GNAQ: variants seen among roughly 807,000 people sequenced by gnomAD.
GNAQ encodes the protein guanine nucleotide-binding protein G(q) subunit alpha.
GNAQ carries 8 observed loss-of-function variants against 43.9 expected under a neutral mutation model. The ratio of observed to expected loss-of-function variants is 0.18; its 90% CI spans 0.11 to 0.33. GNAQ has a LOEUF of 0.33. Ranked by LOEUF, GNAQ falls within the 10% of genes least tolerant of loss-of-function variation. GNAQ has a pLI of 1.00. For synonymous variants in GNAQ, 155 were observed against 170.7 expected, an observed-to-expected ratio of 0.91 and a Z score of 0.71; for missense variants, 158 against 450.8, an observed-to-expected ratio of 0.35 and a Z score of 5.88.
At chr9:78,018,022 G>A (rs1219504597) in intron 1 of GNAQ, among the ~76,000 whole-genome samples, 4 of 152,062 alleles carry the variant, frequency 2.6e-5, no homozygotes, top group African/African-American at 4.8e-5. Context: ...AACCAAGGTT[G>A]TAAAATTTTT....
intron 1 of GNAQ, among the ~76,000 whole-genome samples, chr9:77,943,819 A>C (rs1199106531): frequency 6.6e-6 from 1 of 151,804 alleles, no homozygotes; most frequent in African/African-American, 2.4e-5. Flanking sequence ...GGTACACAAC[A>C]CCACGCCTGG....
chr9:77,997,157 T>C (rs896449018), intron 1 of GNAQ, among the ~76,000 whole-genome samples: 5 of 152,236 alleles, frequency 3.3e-5, no homozygotes, highest in African/African-American at 1.2e-4. Flanking sequence ...TGCCCATAGC[T>C]TTAGCCATCA....
At chr9:77,942,642 A>G (rs1829331707) in intron 1 of GNAQ, among the ~76,000 whole-genome samples, 1 of 152,182 alleles carries the variant, frequency 6.6e-6, no homozygotes, top group African/African-American at 2.4e-5. Flanking sequence ...ACACCCCACC[A>G]CATATATTCC....
chr9:77,853,800 A>C (rs1352504727), intron 2 of GNAQ, among the ~76,000 whole-genome samples: 3 of 146,204 alleles, frequency 2.1e-5, no homozygotes, highest in East Asian at 2.0e-4. Flanking sequence ...AAAAAAAAAA[A>C]CCCACAGGCA....
intron 3 of GNAQ, among the ~76,000 whole-genome samples, chr9:77,805,988 G>A (rs1482950820): frequency 6.6e-6 from 1 of 152,182 alleles, no homozygotes; most frequent in Non-Finnish European, 1.5e-5. Context: ...CATAAAGAGA[G>A]CACTAGTGCC....
At chr9:77,939,443 A>G (rs957177644) in intron 1 of GNAQ, among the ~76,000 whole-genome samples, 1 of 152,204 alleles carries the variant, frequency 6.6e-6, no homozygotes, top group Non-Finnish European at 1.5e-5. Context: ...TATTTTTACT[A>G]AAACTGAAGA....
intron 2 of GNAQ, among the ~76,000 whole-genome samples, chr9:77,870,555 T>C (rs1295936770): frequency 2.0e-5 from 3 of 151,964 alleles, no homozygotes; most frequent in Non-Finnish European, 2.9e-5. Flanking sequence ...CTCGATCTCC[T>C]GGTCTCGTGA....
chr9:78,003,092 GA>G (rs1279678438), intron 1 of GNAQ, among the ~76,000 whole-genome samples: 1 of 152,168 alleles, frequency 6.6e-6, no homozygotes, highest in Non-Finnish European at 1.5e-5. Context: ...TAATGTAGAG[GA>G]AATTTAGCAA....
At chr9:78,031,071 G>A in intron 1 of GNAQ, 29 bp downstream of exon 1, 3 of 1,422,470 alleles carry the variant, frequency 2.1e-6, no homozygotes, top group Non-Finnish European at 1.9e-6. Flanking sequence ...GGGGCGCAGA[G>A]GCCCGGCGGG....
At chr9:77,835,175 C>A (rs1003504484) in intron 2 of GNAQ, among the ~76,000 whole-genome samples, 2 of 151,930 alleles carry the variant, frequency 1.3e-5, no homozygotes, top group African/African-American at 4.8e-5. Flanking sequence ...GAACAGCATG[C>A]AATTTAAAAC....
At chr9:77,913,149 C>T (rs1828836782) in intron 2 of GNAQ, among the ~76,000 whole-genome samples, 1 of 152,060 alleles carries the variant, frequency 6.6e-6, no homozygotes, top group Non-Finnish European at 1.5e-5. Flanking sequence ...TGATTATATG[C>T]ATACTTTCTG....
intron 1 of GNAQ, among the ~76,000 whole-genome samples, chr9:77,965,807 C>A: frequency 6.6e-6 from 1 of 150,790 alleles, no homozygotes; most frequent in South Asian, 2.1e-4. Flanking sequence ...TAATGTGTTC[C>A]AGCCATTCCA....
chr9:77,824,878 A>G (rs1238504892), intron 2 of GNAQ, among the ~76,000 whole-genome samples: 3 of 152,218 alleles, frequency 2.0e-5, no homozygotes, highest in Admixed American at 6.5e-5. Flanking sequence ...TGCATAAGAA[A>G]ACCTGGAATA....
chr9:77,744,570 G>C (rs1162421002), intron 5 of GNAQ, among the ~76,000 whole-genome samples: 1 of 152,086 alleles, frequency 6.6e-6, no homozygotes, highest in African/African-American at 2.4e-5. Context: ...GAAGGTGAAA[G>C]GGAATTTCCA....
At chr9:77,987,148 CA>C (rs556057576) in intron 1 of GNAQ, among the ~76,000 whole-genome samples, 23 of 152,194 alleles carry the variant, frequency 1.5e-4, no homozygotes, top group African/African-American at 5.5e-4. Context: ...GTTGGGAAAG[CA>C]AAAACAATAC....
intron 3 of GNAQ, among the ~76,000 whole-genome samples, chr9:77,799,186 A>T (rs1393582949): frequency 6.6e-6 from 1 of 152,228 alleles, no homozygotes; most frequent in Non-Finnish European, 1.5e-5. Flanking sequence ...ACATGGCTTC[A>T]AAACACACAA....
intron 5 of GNAQ, among the ~76,000 whole-genome samples, chr9:77,766,371 A>G (rs902771163): frequency 6.6e-6 from 1 of 152,240 alleles, no homozygotes; most frequent in South Asian, 2.1e-4. Context: ...ATTAGCTTGT[A>G]AAGTACATAT....
In GNAQ at chr9:77,716,380, G is replaced by A. The variant is rs1825227460; in HGVS notation, c.*4943C>T. On this transcript the variant is annotated 3_prime_UTR_variant, in exon 7 of 7. Coordinates refer to ENST00000286548, the MANE Select transcript of GNAQ (RefSeq NM_002072.5). ...AGTTCCCATCCCCAAACAATAGACA[G>A]TACATGCATTTGAATGACATTTTAG... 1.3e-5 allele frequency: 3 copies of A among 232,414 alleles called. No individual in the cohort carries two copies. In the South Asian group the frequency reaches 5.4e-4, roughly 42 times the overall value. 14.4% of individuals were successfully genotyped at this position (232,414 alleles called of 1,614,324 possible).
At chr9:77,856,569 G>T (rs1443684291) in intron 2 of GNAQ, among the ~76,000 whole-genome samples, 1 of 152,034 alleles carries the variant, frequency 6.6e-6, no homozygotes, top group African/African-American at 2.4e-5. Context: ...CTTTTCTGAT[G>T]GAGATCCTCT....
Sources: allele counts gnomAD v4.1 joint callset (sites outside exome capture counted in the v4.1 genomes callset), GRCh38; gene constraint gnomAD v4.1.1; transcripts MANE v1.5; gene names NCBI Gene and HGNC (gene_info 2026-07-23, HGNC 2026-07-21).